Variants in GOSR1 observed in about 807,000 individuals in gnomAD.
GOSR1 encodes golgi SNAP receptor complex member 1, also known as 28 kDa Golgi SNARE protein.
A neutral mutation model predicts 35.5 loss-of-function variants in GOSR1; 21 were observed. The observed-to-expected ratio is 0.59, with a 90% CI of 0.42 to 0.85. GOSR1 has a LOEUF of 0.85. GOSR1 is among the 40% of genes least tolerant of loss of function. The pLI is 0.00. For synonymous variants in GOSR1, 94 were observed against 106.6 expected (o/e 0.88, Z 0.73); for missense variants, 285 against 309.6 (o/e 0.92, Z 0.60).
In GOSR1 at chr17:30,484,227, C is replaced by A. The variant is rs1914531335; in HGVS notation, c.160C>A (p.Pro54Thr). ...DGRRDSSDTT[P>T]LLNGSSQDRM... ...ACTTCTTTTTAGTTCTGATACAACA[C>A]CCCTTTTAAATGGATCAAGCCAAGA... is the stretch of plus-strand genomic sequence containing the variant. Residue 54 changes from proline (P) to threonine (T), a missense_variant, in exon 3 of 9, where the codon CCC becomes ACC. Coordinates refer to ENST00000451249, the MANE Select transcript of GOSR1 (RefSeq NM_001007025.2). 1 of 1,596,640 alleles carries A rather than the reference C, an allele frequency of 6.3e-7. No homozygotes were observed.
At chr17:30,486,984 A>G (rs959854751) in intron 4 of GOSR1, among the ~76,000 whole-genome samples, 3 of 152,222 alleles carry the variant, frequency 2.0e-5, no homozygotes, top group Non-Finnish European at 2.9e-5. Context: ...AATCATAGAC[A>G]TACAAGAACA....
At chr17:30,482,205 T>A (rs1040231889) in intron 2 of GOSR1, among the ~76,000 whole-genome samples, 3 of 151,878 alleles carry the variant, frequency 2.0e-5, no homozygotes, top group African/African-American at 7.3e-5. Flanking sequence ...AGTATATATA[T>A]AATATAGTTA....
chr17:30,498,058 CAAAAAA>C (rs11427994), intron 6 of GOSR1, among the ~76,000 whole-genome samples: 2 of 135,414 alleles, frequency 1.5e-5, no homozygotes, highest in South Asian at 2.3e-4. Context: ...ACTCCATCTC[CAAAAAA>C]AAAAAAAAAA....
intron 7 of GOSR1, among the ~76,000 whole-genome samples, chr17:30,517,587 G>A (rs1256705684): frequency 1.3e-5 from 2 of 148,506 alleles, no homozygotes; most frequent in Non-Finnish European, 2.9e-5. Flanking sequence ...TCCAGTTTTG[G>A]GGGATTTTTT....
chr17:30,506,825 A>T (rs966998439), intron 6 of GOSR1, among the ~76,000 whole-genome samples: 3 of 152,222 alleles, frequency 2.0e-5, no homozygotes, highest in African/African-American at 7.2e-5. Context: ...TGGTGACTTT[A>T]AATTGAAGCC....
intron 8 of GOSR1, among the ~76,000 whole-genome samples, chr17:30,521,588 CAA>C (rs34019339): frequency 1.5e-5 from 2 of 132,204 alleles, no homozygotes; most frequent in African/African-American, 2.9e-5. Flanking sequence ...AGAATGTGTT[CAA>C]AAAAAAAAAA....
chr17:30,491,701 T>A (rs774748611), intron 5 of GOSR1, among the ~76,000 whole-genome samples: 2 of 151,698 alleles, frequency 1.3e-5, no homozygotes, highest in Non-Finnish European at 2.9e-5. Context: ...CCTGTAGGAG[T>A]TTAGAATCTA....
intron 1 of GOSR1, among the ~76,000 whole-genome samples, chr17:30,480,346 T>A (rs1264007738): frequency 6.6e-6 from 1 of 152,066 alleles, no homozygotes; most frequent in Non-Finnish European, 1.5e-5. Flanking sequence ...GTCATTTTGC[T>A]ATTATGAAAA....
chr17:30,484,354 G>A (rs780780473), intron 3 of GOSR1, 53 bp downstream of exon 3: 37 of 952,794 alleles, frequency 3.9e-5, no homozygotes, highest in Middle Eastern at 2.1e-4. Context: ...TACTTGTTAC[G>A]TAGGATCCTG....
chr17:30,481,263 G>A lies in GOSR1; in HGVS notation c.146+6G>A, dbSNP rs1283544892. 1.9e-6 allele frequency: 3 copies of A among 1,601,408 alleles called. No homozygotes were observed. The African/African-American group carries it at 4.0e-5, about 21-fold the overall frequency. On this transcript the variant is annotated splice_donor_region_variant and intron_variant, in intron 2 of 8. Transcript: ENST00000451249. ...CGAGATGGAAGACGCGACAGGTATA[G>A]GTACTACCAGATTCTGTCTCCTATG...
intron 7 of GOSR1, among the ~76,000 whole-genome samples, chr17:30,511,766 G>A (rs1459365473): frequency 6.6e-6 from 1 of 152,106 alleles, no homozygotes; most frequent in African/African-American, 2.4e-5. Context: ...CCTGACCTCA[G>A]GTGATCTGTC....
Position 30,502,575 on chromosome 17 carries a change from T to C in GOSR1, c.510-8305T>C, listed in dbSNP as rs16966512. On this transcript the variant is annotated intron_variant, in intron 6 of 8. Coordinates refer to ENST00000451249, the MANE Select transcript of GOSR1 (RefSeq NM_001007025.2). ...TTATTTTTTTATTTTCTCCTTGAAC[T>C]GAGCAGGAATCTGTCAGGTGCTTCA... Among the ~76,000 whole-genome samples the C allele has an allele frequency of 1.6e-3, 245 of 152,366 alleles. 1 individual carries two copies. Among genetic ancestry groups the C allele is most frequent in the African/African-American group, 5.6e-3 (233 of 41,590 alleles).
chr17:30,491,410 G>C (rs1915034938), intron 5 of GOSR1, among the ~76,000 whole-genome samples: 1 of 152,212 alleles, frequency 6.6e-6, no homozygotes, highest in Non-Finnish European at 1.5e-5. Flanking sequence ...TGTAATCCCA[G>C]CACTTTGGGA....
intron 7 of GOSR1, among the ~76,000 whole-genome samples, chr17:30,513,140 C>G (rs978264123): frequency 6.6e-5 from 10 of 152,020 alleles, no homozygotes; most frequent in Admixed American, 5.9e-4. Context: ...TTTACCTTTT[C>G]CTTTTAGAGA....
Position 30,487,842 on chromosome 17 carries a change from C to A in GOSR1, c.343-2284C>A, listed in dbSNP as rs546437729. 2.0e-5 allele frequency among the ~76,000 whole-genome samples: 3 copies of A among 151,990 alleles called. No homozygotes were observed. In the East Asian group the frequency reaches 5.8e-4, roughly 29 times the overall value. ...GAGTATTGGAGTGCAATGGTGCGAT[C>A]TCGGCTCACTGCAGCCTCCACGTCC... On this transcript the variant is annotated intron_variant, in intron 4 of 8. Transcript: ENST00000451249.
chr17:30,485,651 G>A (rs1320466462), intron 4 of GOSR1, among the ~76,000 whole-genome samples: 7 of 152,150 alleles, frequency 4.6e-5, no homozygotes, highest in East Asian at 1.9e-4. Context: ...GGCATGAGCC[G>A]CTGTACCCAG....
At chr17:30,491,776 C>G (rs986955210) in intron 5 of GOSR1, among the ~76,000 whole-genome samples, 1 of 151,958 alleles carries the variant, frequency 6.6e-6, no homozygotes, top group South Asian at 2.1e-4. Context: ...ATTTTTTTGG[C>G]CTCATAGCAA....
At chr17:30,510,229 A>G (rs968791943) in intron 6 of GOSR1, among the ~76,000 whole-genome samples, 1 of 152,036 alleles carries the variant, frequency 6.6e-6, no homozygotes, top group Non-Finnish European at 1.5e-5. Context: ...ACACATTAGC[A>G]TACCCAGCTA....
At chr17:30,519,876 G>T in intron 7 of GOSR1, 63 bp from the exon 8 acceptor site, 2 of 960,092 alleles carry the variant, frequency 2.1e-6, no homozygotes, top group Admixed American at 3.7e-5. Context: ...ACTTTTAAAG[G>T]CATGATGGTT....
Sources: allele counts gnomAD v4.1 joint callset (sites outside exome capture counted in the v4.1 genomes callset), GRCh38; gene constraint gnomAD v4.1.1; transcripts MANE v1.5; gene names NCBI Gene and HGNC (gene_info 2026-07-23, HGNC 2026-07-21).